Variants in SATB2 observed in about 807,000 individuals in gnomAD.
SATB2 encodes the protein DNA-binding protein SATB2.
In SATB2, 1 loss-of-function variant was observed where a neutral mutation model predicts 73.4. The ratio of observed to expected loss-of-function variants is 0.01; its 90% CI spans 0.00 to 0.06. SATB2 has a LOEUF of 0.06. Ranked by LOEUF, SATB2 falls within the 10% of genes least tolerant of loss-of-function variation. The probability of loss-of-function intolerance (pLI) is 1.00; values close to 1 mark genes in which losing one functional copy is unlikely to be tolerated. For synonymous variants in SATB2, 397 were observed against 367.0 expected, an observed-to-expected ratio of 1.08 and a Z score of -0.93; for missense variants, 459 against 945.8, an observed-to-expected ratio of 0.49 and a Z score of 6.75.
At chr2:199,369,947 A>G (rs903248475) in intron 5 of SATB2, among the ~76,000 whole-genome samples, 2 of 152,088 alleles carry the variant, frequency 1.3e-5, no homozygotes, top group East Asian at 1.9e-4. Context: ...TAAACATGAC[A>G]ATTCTTTTCT....
At chr2:199,379,682 CTT>C (rs71015899) in intron 5 of SATB2, among the ~76,000 whole-genome samples, 100 of 108,242 alleles carry the variant, frequency 9.2e-4, no homozygotes, top group African/African-American at 1.3e-3. Context: ...CTTTTCTTTT[CTT>C]TTTTTTTTTT....
intron 3 of SATB2, among the ~76,000 whole-genome samples, chr2:199,401,016 G>A (rs531876074): frequency 6.6e-5 from 10 of 152,292 alleles, no homozygotes; most frequent in Admixed American, 5.9e-4. Context: ...GGTGTATTTT[G>A]TTGGACCCAA....
intron 10 of SATB2, among the ~76,000 whole-genome samples, chr2:199,290,444 C>T (rs1019834614): frequency 2.6e-5 from 4 of 152,122 alleles, no homozygotes; most frequent in African/African-American, 9.7e-5. Context: ...CAGGCAATAG[C>T]CATATTACAC....
intron 10 of SATB2, among the ~76,000 whole-genome samples, chr2:199,280,968 GGCAT>G (rs1241009019): frequency 6.6e-6 from 1 of 152,004 alleles, no homozygotes; most frequent in Non-Finnish European, 1.5e-5. Context: ...CGGCTTGTGG[GGCAT>G]CAGGGAACCT....
intron 3 of SATB2, among the ~76,000 whole-genome samples, chr2:199,429,768 G>T (rs1443258841): frequency 1.3e-5 from 2 of 152,174 alleles, no homozygotes; most frequent in Non-Finnish European, 2.9e-5. Context: ...AAATTAGCCA[G>T]GCTTGGTGGC....
chr2:199,336,421 A>G (rs1688340334), intron 7 of SATB2, among the ~76,000 whole-genome samples: 1 of 152,146 alleles, frequency 6.6e-6, no homozygotes, highest in Non-Finnish European at 1.5e-5. Flanking sequence ...TGCCCCAAAA[A>G]TTTACTAGCT....
At chr2:199,328,610 C>T in intron 8 of SATB2, 88 bp downstream of exon 8, 1 of 956,608 alleles carries the variant, frequency 1.0e-6, no homozygotes, top group Non-Finnish European at 1.7e-6. Flanking sequence ...AATTATGTCT[C>T]TCAATGTTTG....
chr2:199,465,746 G>A (rs1267966129), upstream of SATB2, among the ~76,000 whole-genome samples: 1 of 152,200 alleles, frequency 6.6e-6, no homozygotes, highest in Admixed American at 6.5e-5. Context: ...TTGTGTGGAA[G>A]TTAAAAACAC....
chr2:199,464,692 G>T lies in SATB2; in HGVS notation c.-141+144C>A, dbSNP rs1692557922. The T allele has an allele frequency of 6.6e-6, 1 of 152,224 alleles. No homozygotes were observed. The highest frequency in any genetic ancestry group is 1.5e-5 in the Non-Finnish European group (1 of 68,070). 9.4% of individuals were successfully genotyped at this position (152,224 alleles called of 1,614,324 possible). On this transcript the variant is annotated intron_variant, in intron 1 of 11. Transcript: ENST00000260926. This position sits in a 1 kb window ranked among gnomAD's most constrained non-coding sequence, Gnocchi z 6.6. ...CGGGCCGGCTGAGCTCCTGCGCCCCGCGGTCGCGTGGCCTACTCGCCTACT... is the reference window on the plus strand; with the variant it reads ...CGGGCCGGCTGAGCTCCTGCGCCCCTCGGTCGCGTGGCCTACTCGCCTACT...
rs140084638 is a variant in SATB2 at position 199,418,054 on chromosome 2, T to C, written c.346+15284A>G. On this transcript the variant is annotated intron_variant, in intron 3 of 10. Coordinates refer to ENST00000417098, the MANE Select transcript of SATB2 (RefSeq NM_001172509.2). ...TGGCTTCTGCATTGTAAAGTAATAA[T>C]AACAACAACTGGAATCATAATAGCA... Among the ~76,000 whole-genome samples the C allele has an allele frequency of 2.8e-3, 419 of 152,230 alleles. 4 individuals carry two copies. The highest frequency in any genetic ancestry group is 9.6e-3 in the African/African-American group (397 of 41,536).
intron 5 of SATB2, among the ~76,000 whole-genome samples, chr2:199,376,608 G>A (rs1028062097): frequency 2.0e-5 from 3 of 152,156 alleles, no homozygotes; most frequent in East Asian, 1.9e-4. Context: ...CTGCATTATA[G>A]TAACAGCTAC....
In SATB2 at chr2:199,347,524, A is replaced by T. The variant is rs1257180538; in HGVS notation, c.1173+1177T>A. Reference sequence around the variant, plus strand: ...TAACCCATTGACAACCTAATACTCTAGAGTGTTGTTTACATATGTGCTTGC... The same window carrying T: ...TAACCCATTGACAACCTAATACTCTTGAGTGTTGTTTACATATGTGCTTGC... On this transcript the variant is annotated intron_variant, in intron 7 of 10. Coordinates refer to ENST00000417098, the MANE Select transcript of SATB2 (RefSeq NM_001172509.2). The T allele has an allele frequency of 2.6e-5, 3 of 117,632 alleles. No individual in the cohort carries two copies. In the East Asian group the frequency reaches 8.2e-4, roughly 32 times the overall value. The allele number at this position is 117,632 out of a possible 1,614,324, so 7.3% of individuals were successfully genotyped here.
At chr2:199,380,081 G>C (rs527799082) in intron 5 of SATB2, among the ~76,000 whole-genome samples, 2 of 151,748 alleles carry the variant, frequency 1.3e-5, no homozygotes, top group Non-Finnish European at 2.9e-5. Context: ...ATGGGGTTTC[G>C]CCATGTTACC....
chr2:199,307,656 T>A (rs946088373), intron 10 of SATB2, among the ~76,000 whole-genome samples: 4 of 152,100 alleles, frequency 2.6e-5, no homozygotes, highest in African/African-American at 9.7e-5. Context: ...CACAAAAGCA[T>A]AGCACAAAAG....
chr2:199,379,917 T>A (rs1258169779), intron 5 of SATB2, among the ~76,000 whole-genome samples: 4 of 151,688 alleles, frequency 2.6e-5, no homozygotes, highest in Admixed American at 2.6e-4. Context: ...AGGGTCTCAC[T>A]CTGTCACCCA....
At chr2:199,433,616 G>T in intron 2 of SATB2, 102 bp from the exon 3 acceptor site, 1 of 1,076,068 alleles carries the variant, frequency 9.3e-7, no homozygotes, top group African/African-American at 1.6e-5. Context: ...AGTCATCTGT[G>T]ATCGACAGTG....
chr2:199,288,938 G>A lies in SATB2; in HGVS notation c.1741-16266C>T, dbSNP rs372659779. 3.3e-5 allele frequency among the ~76,000 whole-genome samples: 5 copies of A among 152,272 alleles called. No individual in the cohort carries two copies. The South Asian group carries it at 1.0e-3, about 32-fold the overall frequency. Reference sequence around the variant, plus strand: ...GGCAGCAAAGATTCCTGGTGGCTTAGCTCTTAAAAGGTATCAAGTGAGAGC... The same window carrying A: ...GGCAGCAAAGATTCCTGGTGGCTTAACTCTTAAAAGGTATCAAGTGAGAGC... On this transcript the variant is annotated intron_variant, in intron 10 of 10. Transcript: ENST00000417098.
At position 199,335,009 on chromosome 2, in the gene SATB2, T is replaced by C. The variant is rs1004720209; in HGVS notation, c.1174-6099A>G. Among the ~76,000 whole-genome samples the C allele has an allele frequency of 2.8e-4, 43 of 152,110 alleles. 1 individual carries two copies. Among genetic ancestry groups the C allele is most frequent in the African/African-American group, 8.7e-4 (36 of 41,422 alleles). ...GAATCTGGCTGCTGAAATTCATTTGTGTAATGCTAAAAATACTCACCCCAT... is the reference window on the plus strand; with the variant it reads ...GAATCTGGCTGCTGAAATTCATTTGCGTAATGCTAAAAATACTCACCCCAT... On this transcript the variant is annotated intron_variant, in intron 7 of 10. Transcript: ENST00000417098.
Position 199,327,848 on chromosome 2 carries a change from T to C in SATB2, c.1386+850A>G, listed in dbSNP as rs548187574. 4.6e-5 allele frequency among the ~76,000 whole-genome samples: 7 copies of C among 152,276 alleles called. No individual in the cohort carries two copies. The South Asian group carries it at 1.2e-3, about 27-fold the overall frequency. On this transcript the variant is annotated intron_variant, in intron 8 of 10. Coordinates refer to ENST00000417098, the MANE Select transcript of SATB2 (RefSeq NM_001172509.2). The stretch of plus-strand genomic sequence containing the variant: ...TTTTCTAAAGGATCATTGAGTGACA[T>C]CTCAGTCATTCTGATCTGGACACTG...
Sources: allele counts gnomAD v4.1 joint callset (sites outside exome capture counted in the v4.1 genomes callset), GRCh38; gene constraint gnomAD v4.1.1; non-coding constraint Gnocchi (gnomAD v3.1); transcripts MANE v1.5; gene names NCBI Gene and HGNC (gene_info 2026-07-23, HGNC 2026-07-21).